The following PATJ variants were observed in gnomAD, a reference collection of about 807,000 sequenced individuals.
PATJ encodes inaD-like protein.
PATJ carries 190 observed loss-of-function variants against 224.9 expected under a neutral mutation model. The ratio of observed to expected loss-of-function variants is 0.84; its 90% CI spans 0.75 to 0.95. The LOEUF is 0.95. Among genes scored for constraint, PATJ ranks in the 40% least tolerant of loss-of-function variants. The probability of loss-of-function intolerance (pLI) is 0.00; values close to 1 mark genes in which losing one functional copy is unlikely to be tolerated. For missense variants in PATJ, 2,121 were observed against 2,270.3 expected (o/e 0.93, Z 1.34); for synonymous variants, 769 against 820.3 (o/e 0.94, Z 1.07).
chr1:61,961,794 C>T (rs1381710054), intron 27 of PATJ, among the ~76,000 whole-genome samples: 1 of 151,774 alleles, frequency 6.6e-6, no homozygotes, highest in Non-Finnish European at 1.5e-5. Flanking sequence ...CATGGCGAAA[C>T]CCCGTCTCTA....
intron 27 of PATJ, among the ~76,000 whole-genome samples, chr1:61,961,285 A>G (rs1263303788): frequency 6.6e-6 from 1 of 152,216 alleles, no homozygotes; most frequent in African/African-American, 2.4e-5. Context: ...TGCAGTGTAC[A>G]TACTGCACAA....
Position 61,869,097 on chromosome 1 carries a change from A to ATT in PATJ, c.2835+4483_2835+4484dup, listed in dbSNP as rs113334846. On this transcript the variant is annotated intron_variant, in intron 20 of 43. Coordinates refer to ENST00000642238, the MANE Select transcript of PATJ (RefSeq NM_001350145.3). ...TTTTAGGAGAACAAATGGAAATAAC[A>ATT]TTTTTTTTTTTTTTTTTTTTCTTTT... Among the ~76,000 whole-genome samples, 124 of 125,528 alleles carry ATT rather than the reference A, an allele frequency of 9.9e-4. 1 individual carries two copies. Among genetic ancestry groups the ATT allele is most frequent in the African/African-American group, 3.2e-3 (103 of 31,984 alleles). 82.4% of individuals were successfully genotyped at this position (125,528 alleles called of 152,430 possible).
At chr1:61,847,277 A>G (rs970520353) in intron 17 of PATJ, among the ~76,000 whole-genome samples, 9 of 152,226 alleles carry the variant, frequency 5.9e-5, no homozygotes, top group African/African-American at 2.2e-4. Context: ...GGATAAAAGT[A>G]TGTGCAAGCT....
At position 61,763,043 on chromosome 1, in the gene PATJ, G is replaced by T. The variant is rs746434448; in HGVS notation, c.53G>T (p.Arg18Leu). ...DKLQVLQVLD[R>L]LKMKLQEKGD... ...CTGCAGGTGCTGCAGGTACTTGATCGCCTGAAAATGAAATTGCAGGAGAAG... is the reference window on the plus strand; with the variant it reads ...CTGCAGGTGCTGCAGGTACTTGATCTCCTGAAAATGAAATTGCAGGAGAAG... Residue 18 changes from arginine to leucine, a missense_variant, in exon 3 of 44, where the codon CGC (arginine) becomes CTC (leucine). Coordinates refer to ENST00000642238, the MANE Select transcript of PATJ (RefSeq NM_001350145.3). 1.9e-6 allele frequency: 3 copies of T among 1,610,716 alleles called. No individual in the cohort carries two copies. Among genetic ancestry groups the T allele is most frequent in the Admixed American group, 1.7e-5 (1 of 59,832 alleles).
intron 26 of PATJ, among the ~76,000 whole-genome samples, chr1:61,924,420 C>T (rs543823923): frequency 6.6e-6 from 1 of 152,218 alleles, no homozygotes; most frequent in Non-Finnish European, 1.5e-5. Context: ...AAACTCTTGG[C>T]TATTTTCTAA....
At chr1:62,101,096 T>G (rs965484491) in intron 33 of PATJ, among the ~76,000 whole-genome samples, 2 of 152,104 alleles carry the variant, frequency 1.3e-5, no homozygotes, top group Non-Finnish European at 2.9e-5. Flanking sequence ...TAATACTGCT[T>G]GTTTCTAGAT....
At chr1:61,887,207 G>C (rs1040455952) in intron 22 of PATJ, among the ~76,000 whole-genome samples, 2 of 152,082 alleles carry the variant, frequency 1.3e-5, no homozygotes, top group Non-Finnish European at 2.9e-5. Flanking sequence ...ATGGTGGAGG[G>C]AGGAGAGAAC....
intron 28 of PATJ, among the ~76,000 whole-genome samples, chr1:62,010,773 A>G (rs564329349): frequency 2.0e-5 from 3 of 152,298 alleles, no homozygotes; most frequent in Admixed American, 2.0e-4. Flanking sequence ...GAAACTTACA[A>G]TCATGGCTGA....
chr1:61,889,044 T>C (rs1052778792), intron 22 of PATJ, among the ~76,000 whole-genome samples: 10 of 152,174 alleles, frequency 6.6e-5, no homozygotes, highest in Non-Finnish European at 1.5e-4. Context: ...CCCATGGAGT[T>C]AGGTTCATAG....
At position 62,160,959 on chromosome 1, in the gene PATJ, G is replaced by A; in HGVS notation, c.5554G>A (p.Val1852Ile). The A allele has an allele frequency of 3.1e-6, 5 of 1,613,956 alleles. No individual in the cohort carries two copies. The highest frequency in any genetic ancestry group is 4.2e-6 in the Non-Finnish European group (5 of 1,179,968). Residue 1852 changes from valine (V) to isoleucine (I), a missense_variant, in exon 44 of 44, where the codon GTT (valine) becomes ATT (isoleucine). Val to Ile is a conservative substitution (Grantham distance 29, BLOSUM62 3). Transcript: ENST00000642238. The part of the protein sequence containing the change: ...RLKRGDQILA[V>I]NGETLEGVTH... The stretch of plus-strand genomic sequence containing the variant: ...AAAACGAGGGGATCAGATTTTAGCT[G>A]TTAATGGCGAGACCCTGGAAGGTGT...
At chr1:61,904,279 A>G (rs958148558) in intron 24 of PATJ, among the ~76,000 whole-genome samples, 2 of 152,162 alleles carry the variant, frequency 1.3e-5, no homozygotes, top group African/African-American at 4.8e-5. Context: ...TTCTTAATGT[A>G]TTCTGAAATC....
intron 24 of PATJ, 138 bp from the exon 25 acceptor site, chr1:61,908,234 C>T (rs1045114129): frequency 5.1e-6 from 3 of 589,772 alleles, no homozygotes; most frequent in Admixed American, 3.7e-5. Flanking sequence ...TTTTATGGGC[C>T]AATCTTATTT....
At chr1:62,037,167 G>T (rs1051193774) in intron 29 of PATJ, among the ~76,000 whole-genome samples, 1 of 152,106 alleles carries the variant, frequency 6.6e-6, no homozygotes, top group Non-Finnish European at 1.5e-5. Flanking sequence ...GAGCTTCCTT[G>T]GTTTATATTG....
rs186105686 is a variant in PATJ, at chr1:61,762,667, A to C, written c.-35-191A>C. Among the ~76,000 whole-genome samples the C allele has an allele frequency of 1.1e-3, 172 of 152,212 alleles. 3 individuals are homozygous for C. Among genetic ancestry groups the C allele is most frequent in the African/African-American group, 4.0e-3 (167 of 41,522 alleles). On this transcript the variant is annotated intron_variant, in intron 1 of 43. Coordinates refer to ENST00000642238, the MANE Select transcript of PATJ (RefSeq NM_001350145.3). ...GCACTTCACAGCCTCGTTGAAACTTAGTGTTGTCTGTTTTTAAATTTTAGT... is the reference window on the plus strand; with the variant it reads ...GCACTTCACAGCCTCGTTGAAACTTCGTGTTGTCTGTTTTTAAATTTTAGT...
chr1:61,785,364 T>G (rs1401359881), intron 7 of PATJ, among the ~76,000 whole-genome samples: 2 of 152,224 alleles, frequency 1.3e-5, no homozygotes, highest in Non-Finnish European at 2.9e-5. Flanking sequence ...GAGATTGACT[T>G]GCTACAGTAA....
chr1:62,076,431 A>G (rs997554949), intron 31 of PATJ, among the ~76,000 whole-genome samples: 39 of 152,178 alleles, frequency 2.6e-4, no homozygotes, highest in African/African-American at 8.7e-4. Flanking sequence ...ATACAGTAAC[A>G]TACAACAGCA....
In PATJ at chr1:61,748,411, C is replaced by T. The variant is rs1015610752; in HGVS notation, c.-36+5856C>T. ...CTAGGACTGCAGGCATGCACCACCA[C>T]GTCTGGCTAATTTTTTGTATTTTTA... On this transcript the variant is annotated intron_variant, in intron 1 of 43. Coordinates refer to ENST00000642238, the MANE Select transcript of PATJ (RefSeq NM_001350145.3). Among the ~76,000 whole-genome samples, 8 of 151,324 alleles carry T rather than the reference C, an allele frequency of 5.3e-5. No individual in the cohort carries two copies. The South Asian group carries it at 8.4e-4, about 16-fold the overall frequency.
chr1:61,773,741 G>C (rs1646751937), intron 6 of PATJ, among the ~76,000 whole-genome samples: 1 of 151,432 alleles, frequency 6.6e-6, no homozygotes, highest in African/African-American at 2.4e-5. Context: ...GAGCTATTAT[G>C]CCACTGTACT....
chr1:62,113,211 G>A (rs1664060781), intron 34 of PATJ, among the ~76,000 whole-genome samples: 1 of 152,158 alleles, frequency 6.6e-6, no homozygotes, highest in African/African-American at 2.4e-5. Flanking sequence ...TCTAATGCAT[G>A]GTCCTGTCTG....
Sources: gnomAD v4.1 joint callset for allele counts (sites outside exome capture counted in the v4.1 genomes callset) on GRCh38, gnomAD v4.1.1 for gene constraint, MANE v1.5 for transcripts, NCBI Gene and HGNC (gene_info 2026-07-23, HGNC 2026-07-21) for gene names.